Variants in HSD11B1 observed in about 807,000 individuals in gnomAD.
HSD11B1 encodes hydroxysteroid 11-beta dehydrogenase 1, also known as 11-beta-hydroxysteroid dehydrogenase 1.
In HSD11B1, 15 loss-of-function variants were observed where a neutral mutation model predicts 22.1. The observed-to-expected ratio is 0.68, with a 90% CI of 0.45 to 1.04. The LOEUF (loss-of-function observed/expected upper bound fraction) is 1.04, where lower values mean the gene tolerates loss of function less well. Ranked by LOEUF, HSD11B1 falls within the 50% of genes least tolerant of loss-of-function variation. The probability of loss-of-function intolerance (pLI) is 0.00; values close to 1 mark genes in which losing one functional copy is unlikely to be tolerated. For synonymous variants in HSD11B1, 122 were observed against 125.2 expected (o/e 0.97, Z 0.17); for missense variants, 281 against 357.6 (o/e 0.79, Z 1.73).
intron 4 of HSD11B1, among the ~76,000 whole-genome samples, chr1:209,711,092 T>C (rs138556201): frequency 4.0e-4 from 61 of 152,336 alleles, no homozygotes; most frequent in African/African-American, 1.4e-3. Flanking sequence ...TATTTGTCAG[T>C]GGAGGTCTGC....
upstream of HSD11B1, among the ~76,000 whole-genome samples, chr1:209,700,369 C>T (rs962411675): frequency 6.6e-6 from 1 of 152,250 alleles, no homozygotes; most frequent in Non-Finnish European, 1.5e-5. Flanking sequence ...GCTTCCAAGG[C>T]TTGGGGCTTC....
intron 4 of HSD11B1, among the ~76,000 whole-genome samples, chr1:209,731,464 T>A (rs2102401311): frequency 6.6e-6 from 1 of 152,268 alleles, no homozygotes. Context: ...TCAATAAAGA[T>A]CAATCTTAAA....
At chr1:209,719,345 G>C (rs1231840297) in intron 4 of HSD11B1, among the ~76,000 whole-genome samples, 1 of 152,192 alleles carries the variant, frequency 6.6e-6, no homozygotes, top group Non-Finnish European at 1.5e-5. Context: ...GGAGGAAACT[G>C]TATGATTCCA....
intron 4 of HSD11B1, among the ~76,000 whole-genome samples, chr1:209,721,109 C>G (rs751369560): frequency 2.0e-5 from 3 of 152,206 alleles, no homozygotes; most frequent in Admixed American, 6.5e-5. Context: ...CAAGGAAGCA[C>G]TCTCCCTCAG....
Position 209,732,564 on chromosome 1 carries a change from G to C in HSD11B1, c.646G>C (p.Gly216Arg). Residue 216 changes from glycine (G) to arginine (R), a missense_variant, in exon 5 of 6, where the codon GGC becomes CGC. Coordinates refer to ENST00000367027, the MANE Select transcript of HSD11B1 (RefSeq NM_005525.4). ...VNVSITLCVLGLIDTETAMKA... is the reference protein window; with the variant it reads ...VNVSITLCVLRLIDTETAMKA... ...TGTATCAATCACTCTCTGTGTTCTT[G>C]GCCTCATAGACACAGGTAAGGTCAA... is the stretch of plus-strand genomic sequence containing the variant. The C allele has an allele frequency of 1.9e-6, 3 of 1,613,594 alleles. No individual in the cohort carries two copies. The highest frequency in any genetic ancestry group is 2.5e-6 in the Non-Finnish European group (3 of 1,179,690).
chr1:209,691,165 C>T (rs2076757595), intron 1 of HSD11B1, among the ~76,000 whole-genome samples: 1 of 152,188 alleles, frequency 6.6e-6, no homozygotes, highest in Non-Finnish European at 1.5e-5. Context: ...AAAGGCAAGA[C>T]AGCAACATCT....
At position 209,705,912 on chromosome 1, in the gene HSD11B1, A is replaced by T. The variant is rs1558190195; in HGVS notation, c.190A>T (p.Thr64Ser). 2 of 1,613,984 alleles carry T rather than the reference A, an allele frequency of 1.2e-6. No homozygotes were observed. The highest frequency in any genetic ancestry group is 2.2e-5 in the South Asian group (2 of 91,082). ...LAKMGAHVVV[T>S]ARSKETLQKV... ...GAAGATGGGAGCCCATGTGGTGGTG[A>T]CAGCGAGGTCAAAAGAAACTCTACA... Residue 64 changes from threonine to serine, a missense_variant, in exon 2 of 6, where the codon ACA becomes TCA. Transcript: ENST00000367027.
At chr1:209,732,646 C>A in intron 5 of HSD11B1, 67 bp downstream of exon 5, 1 of 1,380,546 alleles carries the variant, frequency 7.2e-7, no homozygotes, top group Non-Finnish European at 1.0e-6. Flanking sequence ...ATGTGCAGAA[C>A]ATGCAGGTTT....
intron 1 of HSD11B1, among the ~76,000 whole-genome samples, chr1:209,693,233 G>A (rs954046485): frequency 1.3e-5 from 2 of 152,180 alleles, no homozygotes; most frequent in African/African-American, 2.4e-5. Context: ...AAAATACAAA[G>A]TGAAGCCTGG....
At chr1:209,732,848 G>C (rs1319080319) in intron 5 of HSD11B1, among the ~76,000 whole-genome samples, 1 of 148,698 alleles carries the variant, frequency 6.7e-6, no homozygotes, top group Non-Finnish European at 1.5e-5. Flanking sequence ...TGCGATGTTT[G>C]GTTTTTTAAT....
At chr1:209,725,734 T>C (rs1183967484) in intron 4 of HSD11B1, among the ~76,000 whole-genome samples, 2 of 152,190 alleles carry the variant, frequency 1.3e-5, no homozygotes, top group African/African-American at 4.8e-5. Flanking sequence ...AGCCACTCTT[T>C]CCTACTGAAC....
chr1:209,705,998 T>A (rs767757216), intron 2 of HSD11B1, 57 bp downstream of exon 2: 10 of 1,605,216 alleles, frequency 6.2e-6, no homozygotes, highest in South Asian at 1.1e-5. Flanking sequence ...TGTGTTCTTA[T>A]ATATGCTCAC....
chr1:209,690,452 T>C (rs1039568409), intron 1 of HSD11B1, among the ~76,000 whole-genome samples: 3 of 152,218 alleles, frequency 2.0e-5, no homozygotes, highest in African/African-American at 7.2e-5. Flanking sequence ...ATCCCAGCAA[T>C]TTGGGAGGCC....
chr1:209,728,866 A>G (rs2077018932), intron 4 of HSD11B1, among the ~76,000 whole-genome samples: 1 of 152,238 alleles, frequency 6.6e-6, no homozygotes, highest in Non-Finnish European at 1.5e-5. Context: ...TTGGTCCAAA[A>G]TGAGCCACAT....
In HSD11B1 at chr1:209,687,750, G is replaced by A. The variant is rs76067112; in HGVS notation, c.-49+1465G>A. The stretch of plus-strand genomic sequence containing the variant: ...AGAGCTCATAAACACCGCAGCTGCT[G>A]ACTAAATACAACATTCAGTTAAAAG... On this transcript the variant is annotated intron_variant, in intron 1 of 6. Transcript: ENST00000261465. Among the ~76,000 whole-genome samples, 1,202 of 152,302 alleles carry A rather than the reference G, an allele frequency of 7.9e-3. 8 individuals carry two copies. Among genetic ancestry groups the A allele is most frequent in the Middle Eastern group, 0.024 (7 of 294 alleles).
upstream of HSD11B1, among the ~76,000 whole-genome samples, chr1:209,700,049 G>T (rs2076817087): frequency 6.6e-6 from 1 of 152,212 alleles, no homozygotes; most frequent in Non-Finnish European, 1.5e-5. Flanking sequence ...GGTATTGAGT[G>T]TCTGCGGCTT....
rs142365109 is a variant in HSD11B1, at chr1:209,731,709, C to A, written c.518-727C>A. ...GCGGCTTTGGGTAGAAAAGCAAAGA[C>A]AGGATTCTGTTTTTTGTTTTTTTGA... On this transcript the variant is annotated intron_variant, in intron 4 of 5. Transcript: ENST00000367027. Among the ~76,000 whole-genome samples, 738 of 152,156 alleles carry A rather than the reference C, an allele frequency of 4.9e-3. 6 individuals carry two copies. The highest frequency in any genetic ancestry group is 0.017 in the African/African-American group (713 of 41,520).
intron 4 of HSD11B1, among the ~76,000 whole-genome samples, chr1:209,710,656 G>A (rs1322248603): frequency 6.6e-6 from 1 of 152,190 alleles, no homozygotes; most frequent in Admixed American, 6.5e-5. Context: ...TGTAGGGATA[G>A]TAATCCTTCT....
In HSD11B1 at chr1:209,732,470, T is replaced by C. The variant is rs1247233289; in HGVS notation, c.552T>C (p.Ser184=). 2.5e-6 allele frequency: 4 copies of C among 1,614,036 alleles called. No homozygotes were observed. Among genetic ancestry groups the C allele is most frequent in the African/African-American group, 2.7e-5 (2 of 74,940 alleles). ...CTTATCCAATGGTTGCTGCCTATTC[T>C]GCAAGCAAGTTTGCTTTGGATGGGT... ...KVAYPMVAAY[S]ASKFALDGFF... is the part of the protein sequence containing the mutation. The change falls in exon 5 of 6, where the codon TCT becomes TCC. Residue 184 remains serine (S), a synonymous_variant. Transcript: ENST00000367027.
Sources: gnomAD v4.1 joint callset for allele counts (sites outside exome capture counted in the v4.1 genomes callset) on GRCh38, gnomAD v4.1.1 for gene constraint, MANE v1.5 for transcripts, NCBI Gene and HGNC (gene_info 2026-07-23, HGNC 2026-07-21) for gene names.